Variants in FAM81A observed in about 807,000 individuals in gnomAD.
FAM81A encodes protein FAM81A.
FAM81A carries 19 observed loss-of-function variants against 46.7 expected under a neutral mutation model. The ratio of observed to expected loss-of-function variants is 0.41; its 90% confidence interval spans 0.28 to 0.60. The LOEUF (loss-of-function observed/expected upper bound fraction) is 0.60. Among genes scored for constraint, FAM81A ranks in the 20% least tolerant of loss-of-function variants. FAM81A has a pLI of 0.34. For missense variants in FAM81A, 377 were observed against 453.5 expected, an observed-to-expected ratio of 0.83 and a Z score of 1.53; for synonymous variants, 183 against 152.9, an observed-to-expected ratio of 1.20 and a Z score of -1.45.
chr15:59,461,167 C>G (rs953127591), intron 3 of FAM81A, among the ~76,000 whole-genome samples: 1 of 152,180 alleles, frequency 6.6e-6, no homozygotes. Context: ...GCAGTCAATT[C>G]CTACTTCTAC....
intron 6 of FAM81A, among the ~76,000 whole-genome samples, chr15:59,511,452 T>A (rs969860648): frequency 6.6e-6 from 1 of 152,138 alleles, no homozygotes; most frequent in Non-Finnish European, 1.5e-5. Context: ...CGGGTTCACA[T>A]CAGATATGTG....
chr15:59,445,378 G>A (rs1337089836), intron 1 of FAM81A: 1 of 152,138 alleles, frequency 6.6e-6, no homozygotes, highest in Non-Finnish European at 1.5e-5. Context: ...GTTGAACCGG[G>A]AAGATGTTAT....
intron 2 of FAM81A, among the ~76,000 whole-genome samples, chr15:59,404,250 G>C (rs2081084816): frequency 6.6e-6 from 1 of 152,050 alleles, no homozygotes; most frequent in South Asian, 2.1e-4. Flanking sequence ...AGGAGAGGGA[G>C]ACACACCTAT....
At chr15:59,459,650 T>C (rs1235554199) in intron 2 of FAM81A, among the ~76,000 whole-genome samples, 1 of 152,072 alleles carries the variant, frequency 6.6e-6, no homozygotes, top group African/African-American at 2.4e-5. Context: ...CTTGATAACA[T>C]AGATTATATT....
intron 2 of FAM81A, among the ~76,000 whole-genome samples, chr15:59,410,130 C>T (rs1375364416): frequency 1.3e-5 from 2 of 152,054 alleles, no homozygotes; most frequent in African/African-American, 2.4e-5. Context: ...GAAATCCCGT[C>T]TCTACTAAAA....
chr15:59,435,896 C>T (rs2081241039), upstream of FAM81A, among the ~76,000 whole-genome samples: 1 of 152,050 alleles, frequency 6.6e-6, no homozygotes, highest in African/African-American at 2.4e-5. Context: ...GCAATTTAGC[C>T]TACAAAAATA....
At chr15:59,421,774 TCTATCTATCTATCTATCTAC>T (rs1567039152) in intron 2 of FAM81A, among the ~76,000 whole-genome samples, 16 of 137,934 alleles carry the variant, frequency 1.2e-4, no homozygotes, top group African/African-American at 4.0e-4. Flanking sequence ...TATCTATCTA[TCTATCTATCTATCTATCTAC>T]CTACCTAACT....
intron 8 of FAM81A, among the ~76,000 whole-genome samples, chr15:59,518,839 C>A (rs144137533): frequency 6.6e-6 from 1 of 150,594 alleles, no homozygotes; most frequent in Non-Finnish European, 1.5e-5. Context: ...TTAAGGTATA[C>A]AACAAGATGT....
At chr15:59,413,747 C>T (rs1053074914) in intron 2 of FAM81A, among the ~76,000 whole-genome samples, 1 of 152,008 alleles carries the variant, frequency 6.6e-6, no homozygotes, top group Non-Finnish European at 1.5e-5. Context: ...TAGTGAGACC[C>T]CTGTCTCTAA....
intron 2 of FAM81A, among the ~76,000 whole-genome samples, chr15:59,424,540 T>C (rs148641363): frequency 0.013 from 1,913 of 152,332 alleles, 11 homozygotes; most frequent in Non-Finnish European, 0.018. Context: ...TTCCTAGAAG[T>C]TGGTAGGCAT....
In FAM81A at chr15:59,465,269, T is replaced by C. The variant is rs369215828; in HGVS notation, c.294+5063T>C. On this transcript the variant is annotated intron_variant, in intron 3 of 8. Coordinates refer to ENST00000288228, the MANE Select transcript of FAM81A (RefSeq NM_152450.3). ...TGTGATGCCTCTGGCTTTGTTCTTA[T>C]TTATTTATTTACTTATTTATTGAGA... Among the ~76,000 whole-genome samples the C allele has an allele frequency of 1.9e-4, 29 of 152,340 alleles. No homozygotes were observed. The South Asian group carries it at 6.0e-3, about 32-fold the overall frequency.
intron 3 of FAM81A, among the ~76,000 whole-genome samples, chr15:59,461,560 A>G (rs1385329663): frequency 2.6e-5 from 4 of 152,134 alleles, no homozygotes; most frequent in East Asian, 1.9e-4. Context: ...GGCTCAAGCA[A>G]TCTGTCTGCC....
intron 3 of FAM81A, among the ~76,000 whole-genome samples, chr15:59,480,137 A>G (rs1230390998): frequency 6.6e-6 from 1 of 152,214 alleles, no homozygotes; most frequent in Non-Finnish European, 1.5e-5. Context: ...GACTTCTATC[A>G]AATGGTGGAA....
At chr15:59,487,361 A>G (rs1165408265) in intron 3 of FAM81A, among the ~76,000 whole-genome samples, 3 of 149,122 alleles carry the variant, frequency 2.0e-5, no homozygotes, top group African/African-American at 5.0e-5. Flanking sequence ...TTAAAGAATC[A>G]GAAAAGCAAG....
At chr15:59,474,080 C>T (rs1451457732) in intron 3 of FAM81A, among the ~76,000 whole-genome samples, 3 of 152,142 alleles carry the variant, frequency 2.0e-5, no homozygotes, top group Non-Finnish European at 4.4e-5. Context: ...CTCTCATGCC[C>T]CCAGTTTCCT....
intron 2 of FAM81A, among the ~76,000 whole-genome samples, chr15:59,417,709 T>C (rs113815475): frequency 0.012 from 1,844 of 152,262 alleles, 37 homozygotes; most frequent in African/African-American, 0.043. Flanking sequence ...AGTGAGACTC[T>C]GTCTCCAAAA....
upstream of FAM81A, among the ~76,000 whole-genome samples, chr15:59,435,447 C>T (rs930604552): frequency 6.6e-6 from 1 of 152,050 alleles, no homozygotes; most frequent in East Asian, 1.9e-4. Flanking sequence ...TGGCAAAACC[C>T]CCTCTCTACT....
chr15:59,436,958 TTG>T (rs2081247362), upstream of FAM81A, among the ~76,000 whole-genome samples: 4 of 152,142 alleles, frequency 2.6e-5, no homozygotes, highest in Admixed American at 2.6e-4. Context: ...ATCTTCACCA[TTG>T]TGTCTCAGGG....
In FAM81A at chr15:59,516,777, A is replaced by G. The variant is rs778836580; in HGVS notation, c.919A>G (p.Ile307Val). The change falls in exon 8 of 9, where the codon ATC becomes GTC. Residue 307 changes from isoleucine (I) to valine (V), a missense_variant. Transcript: ENST00000288228. ...AGAAGAGGAGAAGATGCACGGGCGA[A>G]TCACCAAGCTGGAGTTACAGATGAA... Reference protein sequence around the residue: ...RQEEEKMHGRITKLELQMNQN... With the variant: ...RQEEEKMHGRVTKLELQMNQN... The G allele has an allele frequency of 1.5e-5, 24 of 1,612,994 alleles. No individual in the cohort carries two copies. Among genetic ancestry groups the G allele is most frequent in the Admixed American group, 1.7e-5 (1 of 59,702 alleles).
Sources: gnomAD v4.1 joint callset for allele counts (sites outside exome capture counted in the v4.1 genomes callset) on GRCh38, gnomAD v4.1.1 for gene constraint, MANE v1.5 for transcripts, NCBI Gene and HGNC (gene_info 2026-07-23, HGNC 2026-07-21) for gene names.